The following DDB1 variants were observed in gnomAD, a reference collection of about 807,000 sequenced individuals.
The protein encoded by DDB1 is damage specific DNA binding protein 1.
In DDB1, 18 loss-of-function variants were observed where a neutral mutation model predicts 133.1. That is an observed-to-expected ratio of 0.14 (90% CI 0.09 to 0.20). DDB1 has a LOEUF of 0.20. DDB1 is among the 10% of genes least tolerant of loss of function. The pLI is 1.00. For missense variants in DDB1, 828 were observed against 1,459.2 expected, an observed-to-expected ratio of 0.57 and a Z score of 7.05; for synonymous variants, 580 against 550.5, an observed-to-expected ratio of 1.05 and a Z score of -0.75.
intron 2 of DDB1, 136 bp from the exon 3 acceptor site, chr11:61,330,210 G>A (rs1856343851): frequency 6.1e-6 from 4 of 652,966 alleles, no homozygotes; most frequent in African/African-American, 1.8e-5. Flanking sequence ...TGGTGAGCTT[G>A]TAACCCACAC....
rs536212036 is a variant in DDB1, at chr11:61,312,314, A to T, written c.2070-230T>A. 2.6e-5 allele frequency among the ~76,000 whole-genome samples: 4 copies of T among 152,214 alleles called. No homozygotes were observed. The South Asian group carries it at 8.3e-4, about 32-fold the overall frequency. ...GAGATTTTTAACAGCTTTCCATTTA[A>T]TGATAATGTGCAACCAGTTAAAAAA... On this transcript the variant is annotated intron_variant, in intron 16 of 26. Coordinates refer to ENST00000301764, the MANE Select transcript of DDB1 (RefSeq NM_001923.5).
At chr11:61,315,159 C>T (rs557100922) in intron 12 of DDB1, 11 of 152,200 alleles carry the variant, frequency 7.2e-5, no homozygotes, top group African/African-American at 2.6e-4. Context: ...TTTCTCAACC[C>T]CCAAATCAGA....
In DDB1 at chr11:61,302,461, T is replaced by C. The variant is rs538088889; in HGVS notation, c.3113-102A>G. The C allele has an allele frequency of 5.0e-5, 78 of 1,568,920 alleles. No homozygotes were observed. The Middle Eastern group carries it at 5.4e-4, about 11-fold the overall frequency. On this transcript the variant is annotated intron_variant, in intron 24 of 26. Coordinates refer to ENST00000301764, the MANE Select transcript of DDB1 (RefSeq NM_001923.5). ...AGGTGAGCAGCTCAGGGAGGGCTAA[T>C]GTGCTGCAGCCTCCTCTAGTAAACA... is the stretch of plus-strand genomic sequence containing the variant.
At chr11:61,318,434 C>A (rs12284888) in intron 10 of DDB1, among the ~76,000 whole-genome samples, 9,832 of 152,102 alleles carry the variant, frequency 0.065, 986 homozygotes, top group African/African-American at 0.22. Flanking sequence ...CACAGCCCGA[C>A]CAACATAATG....
At chr11:61,321,406 C>CA in intron 10 of DDB1, 189 bp downstream of exon 10, 15 of 325,618 alleles carry the variant, frequency 4.6e-5, no homozygotes, top group Middle Eastern at 9.5e-4. Flanking sequence ...GTAGTATTTT[C>CA]TTTTTTTTTT....
At position 61,303,167 on chromosome 11, in the gene DDB1, C is replaced by T; in HGVS notation, c.2833-12G>A. On this transcript the variant is annotated splice_polypyrimidine_tract_variant and intron_variant, in intron 22 of 26. Transcript: ENST00000301764. ...AAGTCTCGAGCAATCTTAAAACAGA[C>T]AAGGTGAAAGAAGAAAGCATAATCA... 3.7e-6 allele frequency: 6 copies of T among 1,611,880 alleles called. No homozygotes were observed. Among genetic ancestry groups the T allele is most frequent in the Non-Finnish European group, 5.1e-6 (6 of 1,178,030 alleles).
At chr11:61,309,653 CAAAT>C in intron 20 of DDB1, 139 bp downstream of exon 20, 1 of 829,412 alleles carries the variant, frequency 1.2e-6, no homozygotes, top group South Asian at 1.9e-5. Flanking sequence ...AAAATTCAAT[CAAAT>C]AAAGAAGAGA....
chr11:61,310,563 G>A, intron 18 of DDB1, 145 bp from the exon 19 acceptor site: 1 of 849,298 alleles, frequency 1.2e-6, no homozygotes, highest in Non-Finnish European at 1.7e-6. Flanking sequence ...AGCCTGAGGA[G>A]AGTGTTTCAG....
intron 21 of DDB1, among the ~76,000 whole-genome samples, chr11:61,308,760 C>A (rs1481318025): frequency 6.6e-6 from 1 of 152,210 alleles, no homozygotes; most frequent in African/African-American, 2.4e-5. Flanking sequence ...TCAAGTCCCA[C>A]AGCACTCAGG....
At chr11:61,315,988 C>A in intron 12 of DDB1, 1 of 246,034 alleles carries the variant, frequency 4.1e-6, no homozygotes, top group Non-Finnish European at 7.7e-6. Context: ...ATAATTAGTG[C>A]TAAAATAGGA....
At chr11:61,301,133 G>T in intron 25 of DDB1, 1 of 675,214 alleles carries the variant, frequency 1.5e-6, no homozygotes, top group Non-Finnish European at 2.4e-6. Context: ...TTCTCAATTG[G>T]GGTGATCTTC....
Position 61,313,922 on chromosome 11 carries a change from A to C in DDB1, c.1801T>G (p.Tyr601Asp), listed in dbSNP as rs746455694. The stretch of plus-strand genomic sequence containing the variant: ...CCATCTCCCAAGGCACAAAGGAGGT[A>C]ATGGCTACTCTCAAAGGTGGTCATC... ...ILMTTFESSH[Y>D]LLCALGDGAL... The change falls in exon 15 of 27, where the codon TAC (tyrosine) becomes GAC (aspartate). Residue 601 changes from tyrosine to aspartate, a missense_variant. Physicochemically the swap from Tyr to Asp is radical, Grantham distance 160. Transcript: ENST00000301764. 1 of 1,614,130 alleles carries C rather than the reference A, an allele frequency of 6.2e-7. No homozygotes were observed. The highest frequency in any genetic ancestry group is 8.5e-7 in the Non-Finnish European group (1 of 1,180,018).
At chr11:61,316,069 C>G (rs113074869) in intron 12 of DDB1, 114 of 476,318 alleles carry the variant, frequency 2.4e-4, no homozygotes, top group African/African-American at 2.0e-3. Context: ...AATAAATACA[C>G]AGACATTTGC....
chr11:61,332,935 G>A lies in DDB1; in HGVS notation c.34C>T (p.Pro12Ser). 6.6e-7 allele frequency: 1 copy of A among 1,513,102 alleles called. No homozygotes were observed. The highest frequency in any genetic ancestry group is 8.9e-7 in the Non-Finnish European group (1 of 1,124,768). The allele number at this position is 1,513,102 out of a possible 1,614,324, so 93.7% of individuals were successfully genotyped here. A position where few individuals can be genotyped will look rare whatever the true frequency, so the allele number is the denominator to read the frequency against. Residue 12 changes from proline to serine, a missense_variant, in exon 1 of 27, where the codon CCC becomes TCC. Pro to Ser is a moderately conservative substitution (Grantham distance 74). This residue lies in a region of DDB1 where 210 missense variants were observed against 344.8 expected (regional missense o/e 0.61). Coordinates refer to ENST00000301764, the MANE Select transcript of DDB1 (RefSeq NM_001923.5). ...SYNYVVTAQK[P>S]TAVNGCVTGH... ...GTCACGCAGCCGTTCACGGCGGTGG[G>A]CTTCTGGGCCGTTACCACGTAGTTG...
chr11:61,316,946 G>GATATATATATATATATAT (rs58564398), intron 10 of DDB1, among the ~76,000 whole-genome samples: 1 of 29,078 alleles, frequency 3.4e-5, no homozygotes, highest in Non-Finnish European at 5.2e-5. Flanking sequence ...AAAAAGGATA[G>GATATATATATATATATAT]ATATATATAT....
chr11:61,300,964 T>G lies in DDB1; in HGVS notation c.3216-32A>C, dbSNP rs376265409. On this transcript the variant is annotated intron_variant, in intron 25 of 26. Transcript: ENST00000301764. ...GGGTGAGTTAAGGAACACGTGCTTA[T>G]CAGGAAACACCCTCCTCAGTCATCC... The G allele has an allele frequency of 3.2e-5, 51 of 1,612,976 alleles. No homozygotes were observed. The African/African-American group carries it at 5.7e-4, about 18-fold the overall frequency.
At position 61,329,419 on chromosome 11, in the gene DDB1, T is replaced by C. The variant is rs1430476858; in HGVS notation, c.493A>G (p.Ile165Val). 2 of 1,614,190 alleles carry C rather than the reference T, an allele frequency of 1.2e-6. No individual in the cohort carries two copies. Among genetic ancestry groups the C allele is most frequent in the South Asian group, 2.2e-5 (2 of 91,082 alleles). Reference sequence around the variant, plus strand: ...CAACCATATAGGAACTTGACATCAATGACATGCAGCTCCTCCAGGCGGATG... The same window carrying C: ...CAACCATATAGGAACTTGACATCAACGACATGCAGCTCCTCCAGGCGGATG... The part of the protein sequence containing the change: ...FNIRLEELHV[I>V]DVKFLYGCQA... Residue 165 changes from isoleucine (I) to valine (V), a missense_variant, in exon 4 of 27, where the codon ATT (isoleucine) becomes GTT (valine). By Grantham distance (29) the Ile-to-Val change is conservative (BLOSUM62 3). Coordinates refer to ENST00000301764, the MANE Select transcript of DDB1 (RefSeq NM_001923.5).
chr11:61,304,613 G>A (rs942099620), intron 21 of DDB1, among the ~76,000 whole-genome samples: 7 of 152,236 alleles, frequency 4.6e-5, no homozygotes, highest in African/African-American at 1.4e-4. Flanking sequence ...AGTGGCTCAC[G>A]CCTGTAATCC....
Position 61,329,979 on chromosome 11 carries a change from C to A in DDB1, c.306G>T (p.Thr102=), listed in dbSNP as rs1194268570. ...KQSGESIDII[T]RAHGNVQDRI... ...TCACCTGGACATTGCCATGGGCTCG[C>A]GTAATGATGTCAATGCTCTCGCCAC... The change falls in exon 3 of 27, where the codon ACG becomes ACT. Residue 102 remains threonine (T), a synonymous_variant. Coordinates refer to ENST00000301764, the MANE Select transcript of DDB1 (RefSeq NM_001923.5). 1 of 1,613,402 alleles carries A rather than the reference C, an allele frequency of 6.2e-7. No homozygotes were observed. Among genetic ancestry groups the A allele is most frequent in the East Asian group, 2.2e-5 (1 of 44,842 alleles).
Sources: allele counts gnomAD v4.1 joint callset (sites outside exome capture counted in the v4.1 genomes callset), GRCh38; gene constraint gnomAD v4.1.1; regional missense constraint gnomAD v4.1.1; transcripts MANE v1.5; gene names NCBI Gene and HGNC (gene_info 2026-07-23, HGNC 2026-07-21).